CYP2J2: variants seen among roughly 807,000 people sequenced by gnomAD.
CYP2J2 encodes cytochrome P450 2J2.
A neutral mutation model predicts 48.8 loss-of-function variants in CYP2J2; 41 were observed. The observed-to-expected ratio is 0.84, with a 90% CI of 0.66 to 1.09. The LOEUF (loss-of-function observed/expected upper bound fraction) is 1.09. Ranked by LOEUF, CYP2J2 falls within the 50% of genes least tolerant of loss-of-function variation. The pLI, the probability that CYP2J2 is intolerant of heterozygous loss-of-function variation, is 0.00. For missense variants in CYP2J2, 644 were observed against 617.3 expected (o/e 1.04, Z -0.46); for synonymous variants, 221 against 227.1 (o/e 0.97, Z 0.24).
intron 1 of CYP2J2, among the ~76,000 whole-genome samples, chr1:59,918,328 C>T (rs948122569): frequency 3.3e-5 from 5 of 152,126 alleles, no homozygotes; most frequent in Non-Finnish European, 4.4e-5. Context: ...TTCTAACTAG[C>T]AAAGTATACA....
the CYP2J2 span, among the ~76,000 whole-genome samples, chr1:59,958,668 G>T: frequency 1.3e-5 from 2 of 151,968 alleles, no homozygotes; most frequent in Non-Finnish European, 2.9e-5. Flanking sequence ...TTTTCCACAT[G>T]TCCTCTTTTC....
chr1:59,902,021 C>T (rs548836806), intron 7 of CYP2J2, among the ~76,000 whole-genome samples: 1 of 152,298 alleles, frequency 6.6e-6, no homozygotes, highest in East Asian at 1.9e-4. Flanking sequence ...CCCCCTCTGC[C>T]TGCACTCCCA....
chr1:59,927,808 G>A (rs1352373644), upstream of CYP2J2, among the ~76,000 whole-genome samples: 1 of 152,108 alleles, frequency 6.6e-6, no homozygotes, highest in Admixed American at 6.6e-5. Flanking sequence ...CCTGACCATA[G>A]GTGATCTGCC....
chr1:59,955,288 A>ATATCCATATATATC, the CYP2J2 span, among the ~76,000 whole-genome samples: 3 of 122,444 alleles, frequency 2.5e-5, no homozygotes, highest in African/African-American at 1.3e-4. Context: ...CCATATATAT[A>ATATCCATATATATC]TATCCATATA....
intron 3 of CYP2J2, among the ~76,000 whole-genome samples, 184 bp from the exon 4 acceptor site, chr1:59,911,952 T>G (rs1000567188): frequency 2.6e-5 from 4 of 152,244 alleles, no homozygotes; most frequent in African/African-American, 7.2e-5. Flanking sequence ...GAAGTCAAAC[T>G]GCGGACCAGG....
chr1:59,953,998 C>A, the CYP2J2 span, among the ~76,000 whole-genome samples: 1,699 of 152,012 alleles, frequency 0.011, 27 homozygotes, highest in African/African-American at 0.039. Context: ...TAGGATTACA[C>A]CTTCCAGCCC....
chr1:59,936,672 G>T, the CYP2J2 span, among the ~76,000 whole-genome samples: 1 of 151,922 alleles, frequency 6.6e-6, no homozygotes, highest in South Asian at 2.1e-4. Flanking sequence ...ATTTACTTTT[G>T]TTTTTTTCCC....
upstream of CYP2J2, among the ~76,000 whole-genome samples, chr1:59,928,139 T>G (rs1644584265): frequency 6.6e-6 from 1 of 152,200 alleles, no homozygotes; most frequent in African/African-American, 2.4e-5. Flanking sequence ...CACAATTTAT[T>G]TGCTCATTCC....
rs200013366 is a variant in CYP2J2, at chr1:59,915,819, A to G, written c.373+119T>C. The G allele has an allele frequency of 1.3e-3, 1,145 of 873,520 alleles. 1 individual carries two copies. The highest frequency in any genetic ancestry group is 4.7e-3 in the Admixed American group (159 of 33,574). The allele number at this position is 873,520 out of a possible 1,614,324, so 54.1% of individuals were successfully genotyped here. A position where few individuals can be genotyped will look rare whatever the true frequency, so the allele number is the denominator to read the frequency against. On this transcript the variant is annotated intron_variant, in intron 2 of 8. Transcript: ENST00000371204. ...ATATCCAGCTTTCTTTAGTGGCAGG[A>G]AGTTTATTATGGGGCTGGTTTCTAG...
Position 59,904,896 on chromosome 1 carries a change from G to T in CYP2J2, c.1166C>A (p.Thr389Asn). The T allele has an allele frequency of 6.2e-7, 1 of 1,613,822 alleles. No individual in the cohort carries two copies. Among genetic ancestry groups the T allele is most frequent in the South Asian group, 1.1e-5 (1 of 91,008 alleles). Reference protein sequence around the residue: ...NVPREVTVDTTLAGYHLPKGT... With the variant: ...NVPREVTVDTNLAGYHLPKGT... ...CTTGGGCAGGTGGTACCCAGCCAAA[G>T]TGGTATCAACTGTCACTTCCCTGGG... Residue 389 changes from threonine (T) to asparagine (N), a missense_variant, in exon 7 of 9, where the codon ACT becomes AAT. Coordinates refer to ENST00000371204, the MANE Select transcript of CYP2J2 (RefSeq NM_000775.4).
chr1:59,947,555 C>G, the CYP2J2 span, among the ~76,000 whole-genome samples: 2 of 152,102 alleles, frequency 1.3e-5, no homozygotes, highest in African/African-American at 4.8e-5. Context: ...AAGCCAACTC[C>G]CAGAGTTGCT....
intron 4 of CYP2J2, among the ~76,000 whole-genome samples, chr1:59,910,806 T>C (rs1025536945): frequency 7.2e-5 from 11 of 152,122 alleles, no homozygotes; most frequent in South Asian, 2.1e-4. Context: ...AAAAAGTGTC[T>C]GAGGAACCAA....
At chr1:59,907,704 A>G in intron 6 of CYP2J2, 82 bp downstream of exon 6, 4 of 1,476,304 alleles carry the variant, frequency 2.7e-6, no homozygotes, top group Non-Finnish European at 3.7e-6. Flanking sequence ...CTACAATGCT[A>G]TCTTCTGGCC....
At chr1:59,961,536 G>A in the CYP2J2 span, among the ~76,000 whole-genome samples, 2 of 152,128 alleles carry the variant, frequency 1.3e-5, no homozygotes, top group Admixed American at 6.5e-5. Flanking sequence ...AATGAAAAAT[G>A]GTGAAGCCAT....
chr1:59,948,745 G>A, the CYP2J2 span, among the ~76,000 whole-genome samples: 1 of 152,110 alleles, frequency 6.6e-6, no homozygotes, highest in African/African-American at 2.4e-5. Context: ...GTTTATTTGG[G>A]TATTTCATTT....
chr1:59,942,805 A>G, the CYP2J2 span, among the ~76,000 whole-genome samples: 1 of 152,194 alleles, frequency 6.6e-6, no homozygotes, highest in African/African-American at 2.4e-5. Flanking sequence ...TGATGAGAAG[A>G]GAGTAATAAA....
At chr1:59,907,284 C>G (rs772417558) in intron 6 of CYP2J2, among the ~76,000 whole-genome samples, 1 of 152,116 alleles carries the variant, frequency 6.6e-6, no homozygotes, top group Non-Finnish European at 1.5e-5. Flanking sequence ...AAGCATCTAT[C>G]ACGACATAGA....
At chr1:59,949,563 A>G in the CYP2J2 span, among the ~76,000 whole-genome samples, 1 of 152,178 alleles carries the variant, frequency 6.6e-6, no homozygotes, top group Non-Finnish European at 1.5e-5. Flanking sequence ...GTGAACACCA[A>G]TATCTTCCAT....
At chr1:59,944,214 T>C in the CYP2J2 span, among the ~76,000 whole-genome samples, 658 of 152,226 alleles carry the variant, frequency 4.3e-3, 6 homozygotes, top group African/African-American at 0.015. Context: ...GAGAAGGTGT[T>C]TGTAGTCATA....
Sources: gnomAD v4.1 joint callset for allele counts (sites outside exome capture counted in the v4.1 genomes callset) on GRCh38, gnomAD v4.1.1 for gene constraint, MANE v1.5 for transcripts, NCBI Gene and HGNC (gene_info 2026-07-23, HGNC 2026-07-21) for gene names.